Variants in SH3RF3 observed in about 807,000 individuals in gnomAD.
The protein encoded by SH3RF3 is SH3 domain containing ring finger 3, also known as E3 ubiquitin-protein ligase SH3RF3.
SH3RF3 carries 29 observed loss-of-function variants against 66.3 expected under a neutral mutation model. The observed-to-expected ratio is 0.44, with a 90% CI of 0.33 to 0.60. The LOEUF is 0.60. SH3RF3 is among the 20% of genes least tolerant of loss of function. The pLI is 0.04. For synonymous variants in SH3RF3, 583 were observed against 532.0 expected (o/e 1.10, Z -1.32); for missense variants, 1,194 against 1,190.9 (o/e 1.00, Z -0.04).
chr2:109,205,248 G>A (rs1284369685), intron 1 of SH3RF3, among the ~76,000 whole-genome samples: 1 of 149,708 alleles, frequency 6.7e-6, no homozygotes, highest in Non-Finnish European at 1.5e-5. Context: ...AAAAATTAGA[G>A]CAACTTATGT....
intron 1 of SH3RF3, among the ~76,000 whole-genome samples, chr2:109,342,924 A>G (rs931058195): frequency 6.6e-6 from 1 of 152,248 alleles, no homozygotes; most frequent in African/African-American, 2.4e-5. Flanking sequence ...TAGGCATCCC[A>G]GATGGGTTTT....
intron 1 of SH3RF3, among the ~76,000 whole-genome samples, chr2:109,319,760 G>T (rs1681978495): frequency 6.6e-6 from 1 of 152,236 alleles, no homozygotes; most frequent in Non-Finnish European, 1.5e-5. Flanking sequence ...TCCAGGCCGT[G>T]TGTGGCTGTT....
intron 8 of SH3RF3, among the ~76,000 whole-genome samples, chr2:109,450,037 A>G (rs1047925904): frequency 8.5e-5 from 13 of 152,150 alleles, no homozygotes; most frequent in African/African-American, 3.1e-4. Context: ...TTAGCCATGA[A>G]GTGCTGATTT....
intron 1 of SH3RF3, among the ~76,000 whole-genome samples, chr2:109,190,265 G>A (rs767356501): frequency 6.6e-5 from 10 of 151,808 alleles, no homozygotes; most frequent in African/African-American, 1.9e-4. Context: ...CCTCCGCCTC[G>A]CGGGTTCAAG....
rs373073399 is a variant in SH3RF3, at chr2:109,501,729, G to C, written c.*58G>C. On this transcript the variant is annotated 3_prime_UTR_variant, in exon 10 of 10. Coordinates refer to ENST00000309415, the MANE Select transcript of SH3RF3 (RefSeq NM_001099289.3). ...GGGGAGGCCGCCTGGGAAGCTCCAC[G>C]GCACACAGAGAGGGAGCCATGGCGC... 5.7e-6 allele frequency: 4 copies of C among 701,550 alleles called. No individual in the cohort carries two copies. In the African/African-American group the frequency reaches 7.0e-5, roughly 12 times the overall value. The allele number at this position is 701,550 out of a possible 1,614,324, so 43.5% of individuals were successfully genotyped here.
At chr2:109,306,818 C>G (rs997035764) in intron 1 of SH3RF3, among the ~76,000 whole-genome samples, 1 of 152,160 alleles carries the variant, frequency 6.6e-6, no homozygotes, top group Non-Finnish European at 1.5e-5. Flanking sequence ...TACGTATTTC[C>G]TAGGTTGCTC....
Position 109,398,675 on chromosome 2 carries a change from A to G in SH3RF3, c.1031A>G (p.Asp344Gly). Residue 344 changes from aspartate to glycine, a missense_variant, in exon 4 of 10, where the codon GAC becomes GGC. Transcript: ENST00000309415. ...ASSCNASLPS[D>G]SGAVASVAPS... ...AGCTGCAATGCCTCCCTGCCCTCTG[A>G]CTCCGGCGCTGTGGCCAGCGTGGCC... The G allele has an allele frequency of 6.2e-7, 1 of 1,609,134 alleles. No individual in the cohort carries two copies. Among genetic ancestry groups the G allele is most frequent in the Non-Finnish European group, 8.5e-7 (1 of 1,178,138 alleles).
chr2:109,429,300 A>G (rs1677123929), intron 5 of SH3RF3, among the ~76,000 whole-genome samples: 1 of 152,142 alleles, frequency 6.6e-6, no homozygotes, highest in Non-Finnish European at 1.5e-5. Context: ...GGTGTCCCCT[A>G]CGAGGCACCC....
intron 3 of SH3RF3, among the ~76,000 whole-genome samples, chr2:109,382,439 C>A (rs1675718294): frequency 6.6e-6 from 1 of 152,136 alleles, no homozygotes; most frequent in Non-Finnish European, 1.5e-5. Context: ...CCTCAGCAGC[C>A]CACCTCCTGA....
intron 1 of SH3RF3, among the ~76,000 whole-genome samples, chr2:109,169,376 C>T (rs1677703566): frequency 6.6e-6 from 1 of 152,094 alleles, no homozygotes; most frequent in Admixed American, 6.6e-5. Flanking sequence ...TCCCTTGCTC[C>T]ATACTATGAT....
rs565998333 is a variant in SH3RF3, at chr2:109,129,293, C to T, written c.-248C>T. ...GCGGGACAGGTGTAGCCCGCAGCCG[C>T]AGGCGCTGCGCTCAGGACTGGGCGG... On this transcript the variant is annotated 5_prime_UTR_variant, in exon 1 of 10. Transcript: ENST00000309415. The T allele has an allele frequency of 8.8e-4, 613 of 699,448 alleles. 12 individuals carry two copies. The South Asian group carries it at 9.5e-3, about 11-fold the overall frequency. 43.3% of individuals were successfully genotyped at this position (699,448 alleles called of 1,614,324 possible).
At chr2:109,139,176 C>T (rs1009181295) in intron 1 of SH3RF3, among the ~76,000 whole-genome samples, 2 of 152,326 alleles carry the variant, frequency 1.3e-5, no homozygotes, top group Middle Eastern at 3.4e-3. Flanking sequence ...AAATTGCATC[C>T]TATTTTCTCT....
intron 1 of SH3RF3, among the ~76,000 whole-genome samples, chr2:109,283,081 G>A (rs946368596): frequency 6.6e-6 from 1 of 152,234 alleles, no homozygotes; most frequent in African/African-American, 2.4e-5. Context: ...CAGGGCCAGA[G>A]TCATGGGCAG....
At chr2:109,491,468 G>T (rs1013427356) in intron 9 of SH3RF3, among the ~76,000 whole-genome samples, 1 of 152,156 alleles carries the variant, frequency 6.6e-6, no homozygotes, top group Non-Finnish European at 1.5e-5. Flanking sequence ...CTTTGAAATT[G>T]CCCATATTCA....
chr2:109,240,190 G>C (rs1294192548), intron 1 of SH3RF3, among the ~76,000 whole-genome samples: 1 of 152,184 alleles, frequency 6.6e-6, no homozygotes, highest in Non-Finnish European at 1.5e-5. Context: ...CTGGGCCTCA[G>C]TTTTCTCACA....
In SH3RF3 at chr2:109,197,904, CCA is replaced by C. The variant is rs1678546350; in HGVS notation, c.573+67794_573+67795del. On this transcript the variant is annotated intron_variant, in intron 1 of 9. Coordinates refer to ENST00000309415, the MANE Select transcript of SH3RF3 (RefSeq NM_001099289.3). Reference sequence around the variant, plus strand: ...CTGCACTTGCCTTTTGCATCAAATCCCACAGAGTATGTAGCTGGCCCCTTGGG... The same window carrying C: ...CTGCACTTGCCTTTTGCATCAAATCCCAGAGTATGTAGCTGGCCCCTTGGG... Among the ~76,000 whole-genome samples, 9 of 152,362 alleles carry C rather than the reference CCA, an allele frequency of 5.9e-5. No homozygotes were observed. In the South Asian group the frequency reaches 1.7e-3, roughly 28 times the overall value.
chr2:109,168,183 T>G lies in SH3RF3; in HGVS notation c.573+38070T>G, dbSNP rs543438766. ...GCCAAAACAGCAATGAAGACTGTGATTTGCAAACATTGCATCATTGGGTTA... is the reference window on the plus strand; with the variant it reads ...GCCAAAACAGCAATGAAGACTGTGAGTTGCAAACATTGCATCATTGGGTTA... On this transcript the variant is annotated intron_variant, in intron 1 of 9. Transcript: ENST00000309415. 7.9e-5 allele frequency among the ~76,000 whole-genome samples: 12 copies of G among 152,342 alleles called. No individual in the cohort carries two copies. The East Asian group carries it at 1.9e-3, about 25-fold the overall frequency.
chr2:109,474,546 G>A (rs987005231), intron 8 of SH3RF3, among the ~76,000 whole-genome samples: 12 of 152,158 alleles, frequency 7.9e-5, no homozygotes, highest in South Asian at 6.2e-4. Context: ...ATTACAGTCC[G>A]AACCGCACGG....
chr2:109,135,482 T>C (rs1676794782), intron 1 of SH3RF3, among the ~76,000 whole-genome samples: 1 of 152,236 alleles, frequency 6.6e-6, no homozygotes, highest in Non-Finnish European at 1.5e-5. Flanking sequence ...GGATAACGTA[T>C]GTGCAGTGCC....
Sources: allele counts gnomAD v4.1 joint callset (sites outside exome capture counted in the v4.1 genomes callset), GRCh38; gene constraint gnomAD v4.1.1; transcripts MANE v1.5; gene names NCBI Gene and HGNC (gene_info 2026-07-23, HGNC 2026-07-21).